The following CCSER2 variants were observed in gnomAD, a reference collection of about 807,000 sequenced individuals.
CCSER2 encodes the protein coiled-coil serine rich protein 2.
In CCSER2, 46 loss-of-function variants were observed where a neutral mutation model predicts 92.3. The observed-to-expected ratio is 0.50, with a 90% CI of 0.39 to 0.64. CCSER2 has a LOEUF of 0.64. Ranked by LOEUF, CCSER2 falls within the 30% of genes least tolerant of loss-of-function variation. The pLI is 0.00. For missense variants in CCSER2, 1,244 were observed against 1,238.9 expected (o/e 1.00, Z -0.06); for synonymous variants, 433 against 431.4 (o/e 1.00, Z -0.04).
At chr10:84,449,065 T>C (rs1359046820) in intron 6 of CCSER2, among the ~76,000 whole-genome samples, 3 of 152,184 alleles carry the variant, frequency 2.0e-5, no homozygotes. Flanking sequence ...TGAAAGTTAA[T>C]AGGAATAAAT....
At chr10:84,485,472 A>G (rs964084247) in intron 9 of CCSER2, among the ~76,000 whole-genome samples, 2 of 152,204 alleles carry the variant, frequency 1.3e-5, no homozygotes, top group African/African-American at 4.8e-5. Flanking sequence ...AGTATCTTAC[A>G]GTGTTGAACT....
chr10:84,457,293 T>A (rs1312183487), intron 6 of CCSER2, among the ~76,000 whole-genome samples: 6 of 78,982 alleles, frequency 7.6e-5, no homozygotes, highest in Non-Finnish European at 1.3e-4. Flanking sequence ...ATATTATATA[T>A]TATATATAAT....
intron 9 of CCSER2, among the ~76,000 whole-genome samples, chr10:84,495,791 G>A (rs1460966040): frequency 1.1e-4 from 16 of 145,166 alleles, no homozygotes; most frequent in South Asian, 2.2e-4. Context: ...TTTTTTTGGC[G>A]TGGTATATCG....
At chr10:84,466,938 C>G (rs1846481235) in intron 7 of CCSER2, among the ~76,000 whole-genome samples, 1 of 152,176 alleles carries the variant, frequency 6.6e-6, no homozygotes, top group Admixed American at 6.5e-5. Flanking sequence ...TTGTCTTCTG[C>G]TGTTGCTTAA....
intron 5 of CCSER2, among the ~76,000 whole-genome samples, chr10:84,436,077 CCCA>C (rs767489341): frequency 2.0e-5 from 3 of 152,202 alleles, no homozygotes; most frequent in South Asian, 2.1e-4. Flanking sequence ...CGCCTGTAAT[CCCA>C]CCACTTTGGG....
chr10:84,478,551 A>G (rs1318205485), intron 9 of CCSER2, among the ~76,000 whole-genome samples: 2 of 152,220 alleles, frequency 1.3e-5, no homozygotes, highest in East Asian at 3.8e-4. Context: ...CTTTTCATCT[A>G]ACAAGTATTT....
chr10:84,410,136 CCA>C (rs1200785819), intron 3 of CCSER2, among the ~76,000 whole-genome samples: 1 of 152,124 alleles, frequency 6.6e-6, no homozygotes, highest in Non-Finnish European at 1.5e-5. Context: ...TGTATATGTA[CCA>C]CAGTTTCTTT....
At chr10:84,463,761 C>G (rs1846236076) in intron 6 of CCSER2, among the ~76,000 whole-genome samples, 172 bp from the exon 7 acceptor site, 1 of 152,188 alleles carries the variant, frequency 6.6e-6, no homozygotes, top group African/African-American at 2.4e-5. Context: ...TTCCTTCTAA[C>G]AGTATATATA....
intron 3 of CCSER2, among the ~76,000 whole-genome samples, chr10:84,385,004 A>ACACACACACACACACACACACACAC (rs1554838159): frequency 1.4e-5 from 2 of 145,790 alleles, no homozygotes; most frequent in African/African-American, 5.1e-5. Flanking sequence ...ATTTACAATA[A>ACACACACACACACACACACACACAC]ACACACACAC....
chr10:84,374,052 A>G, intron 3 of CCSER2: 1 of 907,476 alleles, frequency 1.1e-6, no homozygotes. Flanking sequence ...CCTCATACAT[A>G]TGTGCATACT....
At chr10:84,445,850 A>G (rs1247359651) in intron 6 of CCSER2, among the ~76,000 whole-genome samples, 1 of 152,152 alleles carries the variant, frequency 6.6e-6, no homozygotes, top group Non-Finnish European at 1.5e-5. Context: ...TTTGTTCTAT[A>G]ATAGATATTT....
intron 6 of CCSER2, among the ~76,000 whole-genome samples, chr10:84,443,631 C>T (rs1435047660): frequency 2.0e-5 from 3 of 152,172 alleles, no homozygotes; most frequent in Non-Finnish European, 2.9e-5. Flanking sequence ...ATCCCGCAAT[C>T]CCATTACTGG....
intron 4 of CCSER2, among the ~76,000 whole-genome samples, 161 bp from the exon 5 acceptor site, chr10:84,425,570 G>C (rs577930488): frequency 1.3e-5 from 2 of 152,256 alleles, no homozygotes; most frequent in African/African-American, 4.8e-5. Flanking sequence ...AGAAGAACTG[G>C]TTATGCTTTT....
intron 9 of CCSER2, chr10:84,507,180 G>A (rs1849102877): frequency 4.5e-6 from 1 of 224,654 alleles, no homozygotes; most frequent in Non-Finnish European, 7.4e-6. Context: ...CAATAGCAAA[G>A]CAAATACTTG....
At chr10:84,341,260 C>T (rs2133014204) in intron 1 of CCSER2, among the ~76,000 whole-genome samples, 1 of 151,370 alleles carries the variant, frequency 6.6e-6, no homozygotes, top group African/African-American at 2.4e-5. Flanking sequence ...GTCTCAAACT[C>T]CTGGCCTCTA....
At chr10:84,377,309 A>T (rs566295768) in intron 3 of CCSER2, among the ~76,000 whole-genome samples, 1 of 152,276 alleles carries the variant, frequency 6.6e-6, no homozygotes, top group African/African-American at 2.4e-5. Flanking sequence ...CTCTAAAAGC[A>T]TTATTTATTT....
intron 1 of CCSER2, among the ~76,000 whole-genome samples, chr10:84,360,682 T>C (rs1485358119): frequency 6.6e-6 from 1 of 152,162 alleles, no homozygotes; most frequent in Non-Finnish European, 1.5e-5. Flanking sequence ...TTCCAACGTA[T>C]GAATTCCAGA....
At chr10:84,506,189 C>G (rs1311869074) in intron 9 of CCSER2, among the ~76,000 whole-genome samples, 1 of 150,590 alleles carries the variant, frequency 6.6e-6, no homozygotes, top group South Asian at 2.1e-4. Flanking sequence ...CTTAGAAAAG[C>G]CATTGAACTC....
intron 9 of CCSER2, among the ~76,000 whole-genome samples, chr10:84,493,440 A>G (rs887192606): frequency 2.6e-5 from 4 of 152,244 alleles, no homozygotes; most frequent in African/African-American, 7.2e-5. Flanking sequence ...TCTATGTTCA[A>G]TTTCAAGGAT....
Sources: gnomAD v4.1 joint callset for allele counts (sites outside exome capture counted in the v4.1 genomes callset) on GRCh38, gnomAD v4.1.1 for gene constraint, MANE v1.5 for transcripts, NCBI Gene and HGNC (gene_info 2026-07-23, HGNC 2026-07-21) for gene names.